PALLD: variants seen among roughly 807,000 people sequenced by gnomAD.
The protein encoded by PALLD is palladin, cytoskeletal associated protein.
Under a neutral mutation model 123.5 loss-of-function variants are expected in PALLD, and 61 were observed. The observed-to-expected ratio is 0.49, with a 90% confidence interval of 0.40 to 0.61. PALLD has a LOEUF of 0.61. Among genes scored for constraint, PALLD ranks in the 20% least tolerant of loss-of-function variants. The pLI is 0.00. For missense variants in PALLD, 1,273 were observed against 1,377.0 expected, an observed-to-expected ratio of 0.92 and a Z score of 1.20; for synonymous variants, 465 against 496.4, an observed-to-expected ratio of 0.94 and a Z score of 0.84.
At chr4:168,635,680 C>T (rs1248884209) in intron 2 of PALLD, among the ~76,000 whole-genome samples, 1 of 152,218 alleles carries the variant, frequency 6.6e-6, no homozygotes, top group Non-Finnish European at 1.5e-5. Context: ...CCTTGGCAGC[C>T]ATCAACCCAG....
chr4:168,764,867 C>A lies in PALLD; in HGVS notation c.1964+52944C>A, dbSNP rs1029277665. On this transcript the variant is annotated intron_variant, in intron 10 of 21. Coordinates refer to ENST00000505667, the MANE Select transcript of PALLD (RefSeq NM_001166108.2). ...TCAATAAACAACACCTTTGTCAGCT[C>A]TTTCCATTGCCTCCTCCTGGTCAGA... is the stretch of plus-strand genomic sequence containing the variant. Among the ~76,000 whole-genome samples, 11 of 152,206 alleles carry A rather than the reference C, an allele frequency of 7.2e-5. 1 individual carries two copies. Among genetic ancestry groups the A allele is most frequent in the Non-Finnish European group, 2.9e-5 (2 of 68,040 alleles).
intron 2 of PALLD, chr4:168,598,493 G>C (rs1772215741): frequency 1.9e-6 from 1 of 537,340 alleles, no homozygotes; most frequent in African/African-American, 2.0e-5. Flanking sequence ...AGAAGAACTA[G>C]AGAGAGGAGC....
At chr4:168,552,955 C>T (rs59489466) in intron 2 of PALLD, among the ~76,000 whole-genome samples, 6,829 of 152,178 alleles carry the variant, frequency 0.045, 175 homozygotes, top group South Asian at 0.15. Context: ...GGAGTACAGG[C>T]GGGTGCCACC....
At chr4:168,779,140 T>A (rs1735559825) in intron 10 of PALLD, among the ~76,000 whole-genome samples, 1 of 152,242 alleles carries the variant, frequency 6.6e-6, no homozygotes, top group African/African-American at 2.4e-5. Context: ...CTTCCTAAGT[T>A]ACCCACTGGT....
chr4:168,803,416 GA>G (rs1439938190), intron 10 of PALLD, among the ~76,000 whole-genome samples: 1 of 152,022 alleles, frequency 6.6e-6, no homozygotes, highest in Non-Finnish European at 1.5e-5. Context: ...AATAAAAGTT[GA>G]AAAAAATTTT....
intron 2 of PALLD, among the ~76,000 whole-genome samples, chr4:168,600,080 C>CATACATGTGTATACACACAT (rs1561291362): frequency 1.0e-5 from 1 of 98,920 alleles, no homozygotes; most frequent in African/African-American, 3.3e-5. Flanking sequence ...TATACACACA[C>CATACATGTGTATACACACAT]ATATATACAT....
chr4:168,506,211 C>T (rs958211615), intron 1 of PALLD: 2 of 152,248 alleles, frequency 1.3e-5, no homozygotes, highest in Non-Finnish European at 2.9e-5. Context: ...CAGGCCCTCA[C>T]CTCTACCCAT....
At chr4:168,753,711 G>C (rs114984348) in intron 10 of PALLD, among the ~76,000 whole-genome samples, 1,893 of 152,186 alleles carry the variant, frequency 0.012, 38 homozygotes, top group African/African-American at 0.043. Context: ...ATGCAGATAG[G>C]AACTGGGGCC....
At chr4:168,735,551 C>T (rs557060317) in intron 10 of PALLD, among the ~76,000 whole-genome samples, 2 of 152,250 alleles carry the variant, frequency 1.3e-5, no homozygotes, top group Non-Finnish European at 2.9e-5. Context: ...GGCAGAGTGT[C>T]AGAAAGAGAT....
chr4:168,614,201 C>T (rs1160649673), intron 2 of PALLD, among the ~76,000 whole-genome samples: 1 of 152,140 alleles, frequency 6.6e-6, no homozygotes, highest in Non-Finnish European at 1.5e-5. Context: ...CTCTACTGGT[C>T]TTAATCATTT....
chr4:168,515,084 A>G (rs1173399068), intron 2 of PALLD, among the ~76,000 whole-genome samples: 1 of 152,198 alleles, frequency 6.6e-6, no homozygotes, highest in Non-Finnish European at 1.5e-5. Context: ...TCATGTTTGT[A>G]TCCTATAGAG....
rs1450335202 is a variant in PALLD, at chr4:168,844,424, CAGAAG to C, written c.1965-46494_1965-46490del. ...TCTTGTTAATACACATATACGCACA[CAGAAG>C]AGAGAAGTGGGGAACCCCACAAGCC... On this transcript the variant is annotated intron_variant, in intron 10 of 21. Coordinates refer to ENST00000505667, the MANE Select transcript of PALLD (RefSeq NM_001166108.2). The surrounding 1 kb of genome is among the most constrained non-coding windows in gnomAD (Gnocchi z 4.5). 6.6e-6 allele frequency: 1 copy of C among 152,220 alleles called. No individual in the cohort carries two copies. The highest frequency in any genetic ancestry group is 1.5e-5 in the Non-Finnish European group (1 of 68,042). The allele number at this position is 152,220 out of a possible 1,614,324, so 9.4% of individuals were successfully genotyped here. A position where few individuals can be genotyped will look rare whatever the true frequency, so the allele number is the denominator to read the frequency against.
rs1748472086 is a variant in PALLD, at chr4:168,855,449, C to G, written c.1965-35473C>G. Among the ~76,000 whole-genome samples the G allele has an allele frequency of 2.0e-5, 3 of 152,298 alleles. 1 individual carries two copies. The South Asian group carries it at 6.2e-4, about 32-fold the overall frequency. ...ATTAACATGTAAGTGGTACGTCTAT[C>G]TTAAATGCTTTAAATTATAATTCAT... On this transcript the variant is annotated intron_variant, in intron 10 of 21. Transcript: ENST00000505667.
At chr4:168,917,936 C>T (rs1429088653) in intron 17 of PALLD, among the ~76,000 whole-genome samples, 1 of 152,162 alleles carries the variant, frequency 6.6e-6, no homozygotes, top group East Asian at 1.9e-4. Context: ...CACAGTGGCA[C>T]ACGCCTGTAA....
intron 3 of PALLD, among the ~76,000 whole-genome samples, chr4:168,680,660 A>G (rs1026948072): frequency 2.6e-5 from 4 of 152,162 alleles, no homozygotes; most frequent in African/African-American, 9.7e-5. Context: ...AAAAGAATAT[A>G]AGTGACCCAA....
At chr4:168,548,013 C>T (rs1484148946) in intron 2 of PALLD, among the ~76,000 whole-genome samples, 2 of 150,832 alleles carry the variant, frequency 1.3e-5, no homozygotes, top group Admixed American at 6.6e-5. Context: ...CCACTGCATT[C>T]CAGCCTGGGC....
In PALLD at chr4:168,644,691, G is replaced by A. The variant is rs146848574; in HGVS notation, c.909-23499G>A. Among the ~76,000 whole-genome samples the A allele has an allele frequency of 3.5e-3, 534 of 152,270 alleles. 3 individuals are homozygous for A. Among genetic ancestry groups the A allele is most frequent in the Non-Finnish European group, 6.5e-3 (439 of 68,018 alleles). ...GTTCTCATCCTGGACACCATCATTC[G>A]TGATAACTCTCTTCATCTCCTCTGT... On this transcript the variant is annotated intron_variant, in intron 2 of 21. Coordinates refer to ENST00000505667, the MANE Select transcript of PALLD (RefSeq NM_001166108.2).
chr4:168,560,660 A>G (rs1580319900), intron 2 of PALLD, among the ~76,000 whole-genome samples: 1 of 152,170 alleles, frequency 6.6e-6, no homozygotes, highest in South Asian at 2.1e-4. Context: ...CTGTCAGGAG[A>G]TCAGAGAAGA....
At chr4:168,550,805 C>T (rs959147341) in intron 2 of PALLD, among the ~76,000 whole-genome samples, 3 of 152,132 alleles carry the variant, frequency 2.0e-5, no homozygotes, top group Non-Finnish European at 4.4e-5. Context: ...TTTAGTTTTG[C>T]TTTTCAGTTT....
Sources: gnomAD v4.1 joint callset for allele counts (sites outside exome capture counted in the v4.1 genomes callset) on GRCh38, gnomAD v4.1.1 for gene constraint, Gnocchi (gnomAD v3.1) non-coding constraint, MANE v1.5 for transcripts, NCBI Gene and HGNC (gene_info 2026-07-23, HGNC 2026-07-21) for gene names.